DCC: variants seen among roughly 807,000 people sequenced by gnomAD.
DCC encodes the protein netrin receptor DCC.
Under a neutral mutation model 172.5 loss-of-function variants are expected in DCC, and 58 were observed. The observed-to-expected ratio is 0.34, with a 90% CI of 0.27 to 0.42. DCC has a LOEUF of 0.42. Ranked by LOEUF, DCC falls within the 10% of genes least tolerant of loss-of-function variation. The probability of loss-of-function intolerance (pLI) is 1.00; values close to 1 mark genes in which losing one functional copy is unlikely to be tolerated. For missense variants in DCC, 1,740 were observed against 1,791.0 expected, an observed-to-expected ratio of 0.97 and a Z score of 0.51; for synonymous variants, 709 against 644.5, an observed-to-expected ratio of 1.10 and a Z score of -1.52.
intron 15 of DCC, among the ~76,000 whole-genome samples, chr18:53,350,267 A>G (rs552853170): frequency 1.3e-5 from 2 of 152,186 alleles, no homozygotes; most frequent in Admixed American, 6.5e-5. Flanking sequence ...ACAAAGATGT[A>G]TCGGGAATTA....
chr18:53,220,538 G>A (rs1362600526), intron 12 of DCC, among the ~76,000 whole-genome samples: 1 of 152,138 alleles, frequency 6.6e-6, no homozygotes, highest in Non-Finnish European at 1.5e-5. Context: ...TTAAAAAATG[G>A]ATTTAGTGAA....
chr18:53,172,784 A>C (rs1385458002), intron 8 of DCC, among the ~76,000 whole-genome samples: 1 of 152,024 alleles, frequency 6.6e-6, no homozygotes, highest in Non-Finnish European at 1.5e-5. Context: ...TCTTTTACCC[A>C]AAGTTCCCAT....
intron 15 of DCC, 31 bp downstream of exon 15, chr18:53,339,938 A>C (rs371751314): frequency 6.4e-7 from 1 of 1,565,320 alleles, no homozygotes; most frequent in Admixed American, 1.7e-5. Flanking sequence ...TTATTCTATT[A>C]AGGGGAATTA....
At chr18:53,168,156 C>T (rs937048559) in intron 8 of DCC, among the ~76,000 whole-genome samples, 10 of 152,094 alleles carry the variant, frequency 6.6e-5, no homozygotes, top group African/African-American at 1.9e-4. Flanking sequence ...GACGGTGTAG[C>T]GATTCCTCAA....
intron 15 of DCC, among the ~76,000 whole-genome samples, chr18:53,369,914 GCT>G (rs1000595114): frequency 9.4e-4 from 142 of 151,852 alleles, no homozygotes; most frequent in African/African-American, 2.6e-3. Flanking sequence ...TTGGTCTGTA[GCT>G]CTCTTTTTTT....
chr18:52,572,273 G>A (rs535548838), intron 1 of DCC, among the ~76,000 whole-genome samples: 5 of 152,270 alleles, frequency 3.3e-5, no homozygotes, highest in South Asian at 2.1e-4. Flanking sequence ...CAGATACAGC[G>A]TGGGACACTG....
intron 14 of DCC, among the ~76,000 whole-genome samples, chr18:53,327,387 T>G (rs975773727): frequency 1.3e-5 from 2 of 152,144 alleles, no homozygotes; most frequent in African/African-American, 4.8e-5. Flanking sequence ...TGAGAGAATT[T>G]GTGATAGAGT....
At chr18:53,268,769 C>A (rs953661989) in intron 12 of DCC, among the ~76,000 whole-genome samples, 1 of 152,098 alleles carries the variant, frequency 6.6e-6, no homozygotes, top group African/African-American at 2.4e-5. Context: ...ATTATGACCA[C>A]CTGAACAGGA....
chr18:53,055,192 G>A lies in DCC; in HGVS notation c.986-8113G>A, dbSNP rs181927229. 1.6e-4 allele frequency among the ~76,000 whole-genome samples: 24 copies of A among 152,238 alleles called. 1 individual carries two copies. In the South Asian group the frequency reaches 2.7e-3, roughly 17 times the overall value. ...ATAAGACAATCCATGTTCTTAAGGC[G>A]TTAGTAGCTTAGTGAATTCATATCC... On this transcript the variant is annotated intron_variant, in intron 5 of 28. Coordinates refer to ENST00000442544, the MANE Select transcript of DCC (RefSeq NM_005215.4).
At chr18:53,515,726 G>A (rs2144564595) in intron 27 of DCC, among the ~76,000 whole-genome samples, 1 of 151,440 alleles carries the variant, frequency 6.6e-6, no homozygotes, top group East Asian at 1.9e-4. Flanking sequence ...AAAATACCCA[G>A]GAATCCAACT....
At chr18:53,057,759 A>G (rs904286952) in intron 5 of DCC, among the ~76,000 whole-genome samples, 11 of 152,160 alleles carry the variant, frequency 7.2e-5, no homozygotes, top group Non-Finnish European at 1.6e-4. Flanking sequence ...AATTGCTGCC[A>G]ACCAAAAAGC....
At chr18:52,818,418 TAAA>T (rs55812629) in intron 2 of DCC, among the ~76,000 whole-genome samples, 34 of 97,084 alleles carry the variant, frequency 3.5e-4, no homozygotes, top group Admixed American at 1.8e-3. Context: ...TCTCAAAAAG[TAAA>T]AAAAAAAAAA....
At chr18:53,341,535 C>A (rs1228565523) in intron 15 of DCC, among the ~76,000 whole-genome samples, 2 of 152,162 alleles carry the variant, frequency 1.3e-5, no homozygotes, top group African/African-American at 4.8e-5. Flanking sequence ...TGAGTTTGCA[C>A]TCTACAACTT....
chr18:52,820,487 T>A (rs2038386233), intron 2 of DCC, among the ~76,000 whole-genome samples: 2 of 149,398 alleles, frequency 1.3e-5, no homozygotes, highest in African/African-American at 4.9e-5. Context: ...TAGCCATACA[T>A]TCATGTTTTT....
chr18:52,366,903 G>T (rs895506895), intron 1 of DCC, among the ~76,000 whole-genome samples: 1 of 152,220 alleles, frequency 6.6e-6, no homozygotes, highest in Non-Finnish European at 1.5e-5. Context: ...CCGTGCGCTC[G>T]CACTCCTCAG....
Position 53,313,050 on chromosome 18 carries a change from G to GGAAAGGGAAGAAGGA in DCC, c.2053+7331_2053+7332insGAAAGGGAAGAAGGA, listed in dbSNP as rs1555651017. Among the ~76,000 whole-genome samples the GGAAAGGGAAGAAGGA allele has an allele frequency of 1.7e-3, 181 of 105,094 alleles. 4 individuals are homozygous for GGAAAGGGAAGAAGGA. The highest frequency in any genetic ancestry group is 4.9e-3 in the African/African-American group (152 of 30,740). The allele number at this position is 105,094 out of a possible 152,430, so 68.9% of individuals were successfully genotyped here. A position where few individuals can be genotyped will look rare whatever the true frequency, so the allele number is the denominator to read the frequency against. ...GGAAGAAGGAGGAAAGGGAAGAAGG[G>GGAAAGGGAAGAAGGA]AGGGAAGGAAAGGGTGGAAAGGAAG... is the stretch of plus-strand genomic sequence containing the variant. On this transcript the variant is annotated intron_variant, in intron 13 of 28. Coordinates refer to ENST00000442544, the MANE Select transcript of DCC (RefSeq NM_005215.4).
At chr18:53,064,383 A>C (rs2042538602) in intron 6 of DCC, among the ~76,000 whole-genome samples, 2 of 152,312 alleles carry the variant, frequency 1.3e-5, no homozygotes, top group East Asian at 3.9e-4. Context: ...TTGCAGCTAC[A>C]GAAGAGGGTT....
At chr18:53,069,595 A>C (rs2042624327) in intron 7 of DCC, among the ~76,000 whole-genome samples, 1 of 150,820 alleles carries the variant, frequency 6.6e-6, no homozygotes, top group South Asian at 2.1e-4. Flanking sequence ...TTTTCTGAAG[A>C]ACTCACAGAA....
At chr18:52,757,523 T>C (rs2037094965) in intron 2 of DCC, among the ~76,000 whole-genome samples, 1 of 152,100 alleles carries the variant, frequency 6.6e-6, no homozygotes, top group African/African-American at 2.4e-5. Flanking sequence ...CCTTGTCCAC[T>C]GACTTGCCCT....
Sources: gnomAD v4.1 joint callset for allele counts (sites outside exome capture counted in the v4.1 genomes callset) on GRCh38, gnomAD v4.1.1 for gene constraint, MANE v1.5 for transcripts, NCBI Gene and HGNC (gene_info 2026-07-23, HGNC 2026-07-21) for gene names.